The following MAGEC3 variants were observed in gnomAD, a reference collection of about 807,000 sequenced individuals.
MAGEC3 encodes the protein melanoma-associated antigen C3.
MAGEC3 carries 34 observed loss-of-function variants against 35.3 expected under a neutral mutation model. The ratio of observed to expected loss-of-function variants is 0.96; its 90% CI spans 0.73 to 1.28. The LOEUF (loss-of-function observed/expected upper bound fraction) is 1.28, where lower values mean the gene tolerates loss of function less well. Among genes scored for constraint, MAGEC3 ranks in the 50% most tolerant of loss-of-function variants. The pLI, the probability that MAGEC3 is intolerant of heterozygous loss-of-function variation, is 0.00. For missense variants in MAGEC3, 561 were observed against 483.6 expected (o/e 1.16, Z -1.50); for synonymous variants, 202 against 185.6 (o/e 1.09, Z -0.72).
At chrX:141,854,688 A>G (rs1410371791) in intron 1 of MAGEC3, among the ~76,000 whole-genome samples, 1 of 111,470 alleles carries the variant, frequency 9.0e-6, no homozygotes, top group Non-Finnish European at 1.9e-5. Context: ...TGTAAGTCCA[A>G]TTAAACCTTA....
At chrX:141,869,027 G>A (rs1446471096) in intron 2 of MAGEC3, among the ~76,000 whole-genome samples, 2 of 109,010 alleles carry the variant, frequency 1.8e-5, no homozygotes, top group African/African-American at 6.7e-5. Context: ...GACTACAGGT[G>A]CCCGCCACCC....
chrX:141,869,994 C>T (rs2017877542), intron 2 of MAGEC3, among the ~76,000 whole-genome samples: 1 of 110,903 alleles, frequency 9.0e-6, no homozygotes, highest in Non-Finnish European at 1.9e-5. Flanking sequence ...GGGCCCTGTG[C>T]AGTACCCAAA....
At chrX:141,896,147 CT>C (rs1265494569) in intron 6 of MAGEC3, 1 of 145,037 alleles carries the variant, frequency 6.9e-6, no homozygotes, top group Non-Finnish European at 1.3e-5. Flanking sequence ...TGCTTGCAGT[CT>C]TTAGCCTGAG....
chrX:141,872,564 G>A (rs1161827041), intron 2 of MAGEC3, among the ~76,000 whole-genome samples: 1 of 111,385 alleles, frequency 9.0e-6, no homozygotes, highest in Admixed American at 9.5e-5. Flanking sequence ...ACTTTCTCAG[G>A]TACCAGGAGA....
At chrX:141,839,447 A>C in intron 1 of MAGEC3, 1 of 751,864 alleles carries the variant, frequency 1.3e-6, no homozygotes, top group Non-Finnish European at 1.6e-6. Context: ...GAGCAAAATA[A>C]AAGCTTCATT....
chrX:141,861,199 G>T (rs1238212092), intron 1 of MAGEC3, among the ~76,000 whole-genome samples: 1 of 110,543 alleles, frequency 9.0e-6, no homozygotes, highest in Non-Finnish European at 1.9e-5. Flanking sequence ...AATTGAAAGG[G>T]TATTAAAATT....
At chrX:141,872,086 G>A (rs1481395747) in intron 2 of MAGEC3, among the ~76,000 whole-genome samples, 1 of 110,478 alleles carries the variant, frequency 9.1e-6, no homozygotes, top group Non-Finnish European at 1.9e-5. Flanking sequence ...CTTGACATAG[G>A]GAGGGTCAGG....
intron 1 of MAGEC3, among the ~76,000 whole-genome samples, chrX:141,854,434 G>T (rs1305292486): frequency 1.8e-5 from 2 of 111,177 alleles, no homozygotes; most frequent in Non-Finnish European, 3.8e-5. Flanking sequence ...ATCTTGAATT[G>T]TATTCTCATA....
intron 2 of MAGEC3, among the ~76,000 whole-genome samples, chrX:141,868,901 A>G (rs1037895089): frequency 1.5e-4 from 16 of 105,555 alleles, no homozygotes. Flanking sequence ...TTTATTTTTG[A>G]CATGGAGTCT....
rs72617978 is a variant in MAGEC3 at position 141,880,842 on chromosome X, G to A, written c.516-561G>A. Reference sequence around the variant, plus strand: ...CTTAAGAGAAGAAGAGCTGTAAGCCGGCCTTTGTCAGAACCACCATGGGTG... The same window carrying A: ...CTTAAGAGAAGAAGAGCTGTAAGCCAGCCTTTGTCAGAACCACCATGGGTG... On this transcript the variant is annotated intron_variant, in intron 3 of 7. Transcript: ENST00000298296. 121 of 1,126,404 alleles carry A rather than the reference G, an allele frequency of 1.1e-4. 1 individual carries two copies. In the Middle Eastern group the frequency reaches 1.2e-3, roughly 11 times the overall value. The allele number at this position is 1,126,404 out of a possible 1,213,427, so 92.8% of individuals were successfully genotyped here.
At chrX:141,882,787 C>T (rs1324776642) in intron 4 of MAGEC3, among the ~76,000 whole-genome samples, 1 of 111,886 alleles carries the variant, frequency 8.9e-6, no homozygotes, top group Non-Finnish European at 1.9e-5. Flanking sequence ...ACAATAGAGT[C>T]TAGGAGCAGA....
chrX:141,886,370 C>A (rs2018002845), intron 4 of MAGEC3, among the ~76,000 whole-genome samples: 1 of 110,999 alleles, frequency 9.0e-6, no homozygotes, highest in Non-Finnish European at 1.9e-5. Context: ...AGGCTGGGTC[C>A]CCTTGAGGAA....
chrX:141,895,172 C>A, intron 4 of MAGEC3, 97 bp from the exon 5 acceptor site: 1 of 952,963 alleles, frequency 1.0e-6, no homozygotes, highest in Non-Finnish European at 1.4e-6. Flanking sequence ...AAGTGGAGTG[C>A]GGGGAAGTGG....
intron 1 of MAGEC3, among the ~76,000 whole-genome samples, chrX:141,848,382 A>C (rs2017730622): frequency 9.0e-6 from 1 of 110,900 alleles, no homozygotes; most frequent in Non-Finnish European, 1.9e-5. Flanking sequence ...GGAAACCCTG[A>C]AGACTCCACC....
rs746335077 is a variant in MAGEC3, at chrX:141,896,999, G to A, written c.1241G>A (p.Ser414Asn). The A allele has an allele frequency of 3.7e-5, 45 of 1,206,866 alleles. No individual in the cohort carries two copies. The highest frequency in any genetic ancestry group is 4.7e-5 in the Non-Finnish European group (42 of 893,731). ...PQGPPQSPPQ[S>N]PLDSCSSPLL... ...GGTCCTCCGCAGAGTCCTCCCCAGA[G>A]TCCTCTAGACTCCTGCTCATCCCCT... Residue 414 changes from serine to asparagine, a missense_variant, in exon 7 of 8, where the codon AGT becomes AAT. By Grantham distance (46) the Ser-to-Asn change is conservative. Transcript: ENST00000298296.
At chrX:141,845,628 C>G (rs2017711624) in intron 1 of MAGEC3, among the ~76,000 whole-genome samples, 1 of 110,835 alleles carries the variant, frequency 9.0e-6, no homozygotes, top group Non-Finnish European at 1.9e-5. Context: ...CAGTAGACAC[C>G]TGACTCCCAT....
rs376187416 is a variant in MAGEC3 at position 141,853,495 on chromosome X, T to C, written c.124-11976T>C. Among the ~76,000 whole-genome samples the C allele has an allele frequency of 1.2e-3, 133 of 111,707 alleles. 1 individual carries two copies. Among genetic ancestry groups the C allele is most frequent in the African/African-American group, 4.2e-3 (128 of 30,779 alleles). On this transcript the variant is annotated intron_variant, in intron 1 of 7. Coordinates refer to ENST00000298296, the MANE Select transcript of MAGEC3 (RefSeq NM_138702.1). ...TTTTGGTAATGTTTTTATTTGCATC[T>C]TATCTAATGATTTATTTTTACTTTA...
intron 1 of MAGEC3, chrX:141,839,745 TGTTCTTAACTCAGTG>T: frequency 1.3e-6 from 1 of 742,009 alleles, no homozygotes; most frequent in Non-Finnish European, 1.6e-6. Flanking sequence ...CATTACTTAC[TGTTCTTAACTCAGTG>T]GTTCTTAACT....
chrX:141,896,287 G>A (rs771897715), intron 6 of MAGEC3: 17 of 391,597 alleles, frequency 4.3e-5, no homozygotes, highest in African/African-American at 1.9e-4. Flanking sequence ...GTGAGTGCAC[G>A]CCCTGACTGT....
Sources: allele counts gnomAD v4.1 joint callset (sites outside exome capture counted in the v4.1 genomes callset), GRCh38; gene constraint gnomAD v4.1.1; transcripts MANE v1.5; gene names NCBI Gene and HGNC (gene_info 2026-07-23, HGNC 2026-07-21).